The following SLC25A21 variants were observed in gnomAD, a reference collection of about 807,000 sequenced individuals.
SLC25A21 encodes the protein solute carrier family 25 member 21.
A neutral mutation model predicts 43.8 loss-of-function variants in SLC25A21; 47 were observed. The observed-to-expected ratio is 1.07, with a 90% CI of 0.85 to 1.37. The LOEUF is 1.37. SLC25A21 is among the 40% of genes most tolerant of loss of function. The probability of loss-of-function intolerance (pLI) is 0.00; values close to 1 mark genes in which losing one functional copy is unlikely to be tolerated. For missense variants in SLC25A21, 352 were observed against 350.2 expected (o/e 1.00, Z -0.04); for synonymous variants, 131 against 121.3 (o/e 1.08, Z -0.52).
intron 1 of SLC25A21, among the ~76,000 whole-genome samples, chr14:37,103,752 G>A (rs1025200177): frequency 2.0e-5 from 3 of 152,150 alleles, no homozygotes; most frequent in African/African-American, 7.2e-5. Context: ...AGCCTCAACT[G>A]TGCTTCAAAT....
At chr14:36,953,998 T>A (rs1247873997) in intron 1 of SLC25A21, among the ~76,000 whole-genome samples, 1 of 152,198 alleles carries the variant, frequency 6.6e-6, no homozygotes, top group Non-Finnish European at 1.5e-5. Flanking sequence ...TTATTTGACA[T>A]CTACAATGTA....
intron 3 of SLC25A21, among the ~76,000 whole-genome samples, chr14:36,797,556 T>C (rs1341668443): frequency 1.3e-5 from 2 of 152,236 alleles, no homozygotes; most frequent in East Asian, 3.8e-4. Flanking sequence ...TAGATTTTGC[T>C]TTGCTCTTAT....
chr14:37,132,612 T>C (rs1963409558), intron 1 of SLC25A21, among the ~76,000 whole-genome samples: 1 of 152,224 alleles, frequency 6.6e-6, no homozygotes, highest in Non-Finnish European at 1.5e-5. Flanking sequence ...CTATTCTCTC[T>C]ACCACCCTGA....
At chr14:36,792,648 G>A (rs1393122406) in intron 3 of SLC25A21, among the ~76,000 whole-genome samples, 1 of 152,170 alleles carries the variant, frequency 6.6e-6, no homozygotes, top group African/African-American at 2.4e-5. Flanking sequence ...CACACATTAA[G>A]TGGATACCTT....
At chr14:37,066,287 G>C (rs1962058910) in intron 1 of SLC25A21, among the ~76,000 whole-genome samples, 1 of 152,022 alleles carries the variant, frequency 6.6e-6, no homozygotes, top group Non-Finnish European at 1.5e-5. Context: ...TGGGGATTTT[G>C]GTCTTTCAAA....
chr14:36,811,479 C>T (rs945909766), intron 3 of SLC25A21, among the ~76,000 whole-genome samples: 4 of 152,066 alleles, frequency 2.6e-5, no homozygotes, highest in African/African-American at 4.8e-5. Flanking sequence ...GGTGAGGCCC[C>T]GTCTCTACTA....
At chr14:36,913,596 A>G (rs767518260) in intron 1 of SLC25A21, among the ~76,000 whole-genome samples, 2 of 152,200 alleles carry the variant, frequency 1.3e-5, no homozygotes, top group Non-Finnish European at 2.9e-5. Context: ...GATAAGAACG[A>G]GTTGTTTGAA....
chr14:37,053,496 G>C (rs1334840660), intron 1 of SLC25A21, among the ~76,000 whole-genome samples: 1 of 152,164 alleles, frequency 6.6e-6, no homozygotes, highest in Non-Finnish European at 1.5e-5. Flanking sequence ...TATATCCTCT[G>C]ACAATGTAGA....
intron 1 of SLC25A21, among the ~76,000 whole-genome samples, chr14:37,023,706 T>C (rs1384077576): frequency 1.3e-5 from 2 of 152,004 alleles, no homozygotes; most frequent in Non-Finnish European, 2.9e-5. Context: ...TATTCTTTGC[T>C]CCTACTTAGG....
chr14:36,910,348 C>G (rs1405613609), intron 1 of SLC25A21, among the ~76,000 whole-genome samples: 1 of 151,998 alleles, frequency 6.6e-6, no homozygotes, highest in East Asian at 1.9e-4. Flanking sequence ...GCAGTTTGGA[C>G]TTTACAAGTA....
At chr14:36,918,638 T>C (rs1891895021) in intron 1 of SLC25A21, among the ~76,000 whole-genome samples, 1 of 152,082 alleles carries the variant, frequency 6.6e-6, no homozygotes, top group African/African-American at 2.4e-5. Context: ...TGTGTGAATC[T>C]AGAGCCATTT....
intron 1 of SLC25A21, among the ~76,000 whole-genome samples, chr14:37,134,253 G>T (rs1358055812): frequency 6.6e-6 from 1 of 152,094 alleles, no homozygotes; most frequent in Admixed American, 6.5e-5. Context: ...TAGTACTAGA[G>T]AAATTAGGAA....
chr14:36,764,050 A>C (rs964216102), intron 3 of SLC25A21, among the ~76,000 whole-genome samples: 1 of 42,544 alleles, frequency 2.4e-5, no homozygotes, highest in Non-Finnish European at 4.1e-5. Context: ...GAAAGAAAGA[A>C]AGAAAGAAAG....
intron 5 of SLC25A21, among the ~76,000 whole-genome samples, chr14:36,727,591 G>C (rs1243028098): frequency 6.6e-6 from 1 of 152,174 alleles, no homozygotes; most frequent in African/African-American, 2.4e-5. Context: ...GGGAGGCTGA[G>C]GCAGGAGAAT....
chr14:37,037,086 T>G (rs1191485213), intron 1 of SLC25A21, among the ~76,000 whole-genome samples: 1 of 152,028 alleles, frequency 6.6e-6, no homozygotes, highest in Non-Finnish European at 1.5e-5. Flanking sequence ...CCAAAGACAA[T>G]CTCAAATAAA....
Position 36,678,946 on chromosome 14 carries a change from T to C in SLC25A21, c.*1712A>G. The C allele has an allele frequency of 1.0e-6, 1 of 981,966 alleles. No homozygotes were observed. The highest frequency in any genetic ancestry group is 1.2e-6 in the Non-Finnish European group (1 of 826,692). The allele number at this position is 981,966 out of a possible 1,614,324, so 60.8% of individuals were successfully genotyped here. A position where few individuals can be genotyped will look rare whatever the true frequency, so the allele number is the denominator to read the frequency against. On this transcript the variant is annotated 3_prime_UTR_variant, in exon 10 of 10. Coordinates refer to ENST00000331299, the MANE Select transcript of SLC25A21 (RefSeq NM_030631.4). Reference sequence around the variant, plus strand: ...AAATAGGATGGATTAAAGGGTTAACTTTTAAAGATTATTATTGGTTAATGT... The same window carrying C: ...AAATAGGATGGATTAAAGGGTTAACCTTTAAAGATTATTATTGGTTAATGT...
At chr14:36,912,118 A>G (rs1432474254) in intron 1 of SLC25A21, among the ~76,000 whole-genome samples, 1 of 152,218 alleles carries the variant, frequency 6.6e-6, no homozygotes, top group Non-Finnish European at 1.5e-5. Flanking sequence ...TTAAAAACTA[A>G]CAGACTGCCT....
At chr14:37,003,576 G>C (rs1960535183) in intron 1 of SLC25A21, among the ~76,000 whole-genome samples, 1 of 152,142 alleles carries the variant, frequency 6.6e-6, no homozygotes, top group South Asian at 2.1e-4. Context: ...CTACACAGAA[G>C]TTATAATGAA....
At chr14:36,772,056 T>C (rs1000474867) in intron 3 of SLC25A21, among the ~76,000 whole-genome samples, 1 of 152,086 alleles carries the variant, frequency 6.6e-6, no homozygotes, top group Non-Finnish European at 1.5e-5. Flanking sequence ...TGCCAAACCC[T>C]AAGATTTCAC....
Sources: allele counts gnomAD v4.1 joint callset (sites outside exome capture counted in the v4.1 genomes callset), GRCh38; gene constraint gnomAD v4.1.1; transcripts MANE v1.5; gene names NCBI Gene and HGNC (gene_info 2026-07-23, HGNC 2026-07-21).